The following OSBPL2 variants were observed in gnomAD, a reference collection of about 807,000 sequenced individuals.
The protein encoded by OSBPL2 is oxysterol binding protein like 2.
In OSBPL2, 18 loss-of-function variants were observed where a neutral mutation model predicts 58.4. That is an observed-to-expected ratio of 0.31 (90% CI 0.21 to 0.46). OSBPL2 has a LOEUF of 0.46. Ranked by LOEUF, OSBPL2 falls within the 20% of genes least tolerant of loss-of-function variation. OSBPL2 has a pLI of 1.00. For missense variants in OSBPL2, 461 were observed against 616.5 expected (o/e 0.75, Z 2.67); for synonymous variants, 221 against 234.1 (o/e 0.94, Z 0.51).
chr20:62,242,695 G>A (rs1299486290), intron 1 of OSBPL2: 1 of 152,364 alleles, frequency 6.6e-6, no homozygotes, highest in East Asian at 1.9e-4. Context: ...TGAGGGCCTG[G>A]GGGCTGTGGC....
chr20:62,293,186 TA>T (rs61708520), intron 13 of OSBPL2, among the ~76,000 whole-genome samples: 2 of 151,464 alleles, frequency 1.3e-5, no homozygotes, highest in East Asian at 2.0e-4. Context: ...TTTAAAGTGT[TA>T]AAAAAAATAT....
At chr20:62,250,798 G>C (rs916647274) in intron 1 of OSBPL2, among the ~76,000 whole-genome samples, 1 of 152,040 alleles carries the variant, frequency 6.6e-6, no homozygotes, top group Non-Finnish European at 1.5e-5. Flanking sequence ...GATGGTGTAC[G>C]CCTGTGGTCC....
rs201257981 is a variant in OSBPL2 at position 62,273,289 on chromosome 20, C to T, written c.394-20C>T. On this transcript the variant is annotated intron_variant, in intron 5 of 13. Transcript: ENST00000313733. ...TTCCTAACTGAAGCTGTGCCTGTCC[C>T]CCCCGTGGATTATTTACAGTCTGTG... 1.3e-6 allele frequency: 2 copies of T among 1,598,314 alleles called. No individual in the cohort carries two copies. The highest frequency in any genetic ancestry group is 1.7e-4 in the Middle Eastern group (1 of 6,016).
In OSBPL2 at chr20:62,251,865, C is replaced by CTTTTTTTTTTTT. The variant is rs147891445; in HGVS notation, c.-128-4172_-128-4161dup. On this transcript the variant is annotated intron_variant, in intron 1 of 13. Transcript: ENST00000313733. ...TCAAGCGTCATTTTAATTGGTATGC[C>CTTTTTTTTTTTT]TTTTTTTTTTTTTTTTTTTTTTTTT... Among the ~76,000 whole-genome samples, 2 of 41,738 alleles carry CTTTTTTTTTTTT rather than the reference C, an allele frequency of 4.8e-5. 1 individual carries two copies. Among genetic ancestry groups the CTTTTTTTTTTTT allele is most frequent in the Non-Finnish European group, 7.9e-5 (2 of 25,256 alleles). 27.4% of individuals were successfully genotyped at this position (41,738 alleles called of 152,430 possible). A position where few individuals can be genotyped will look rare whatever the true frequency, so the allele number is the denominator to read the frequency against.
intron 7 of OSBPL2, chr20:62,279,559 C>T (rs937559378): frequency 3.3e-5 from 19 of 569,046 alleles, no homozygotes; most frequent in Admixed American, 3.2e-5. Flanking sequence ...GCCCCCCTTT[C>T]GGTCACATCA....
At chr20:62,290,469 G>A (rs1264380350) in intron 12 of OSBPL2, among the ~76,000 whole-genome samples, 1 of 144,650 alleles carries the variant, frequency 6.9e-6, no homozygotes, top group Non-Finnish European at 1.5e-5. Context: ...CAGGCTGGAG[G>A]GCAGTGGTGC....
At chr20:62,291,656 C>T (rs748277472) in intron 12 of OSBPL2, 47 bp from the exon 13 acceptor site, 6 of 1,520,374 alleles carry the variant, frequency 3.9e-6, no homozygotes, top group South Asian at 1.1e-5. Context: ...TGGCGGGGTG[C>T]GGTTCTAAGG....
Position 62,288,498 on chromosome 20 carries a change from C to T in OSBPL2, c.1126-709C>T, listed in dbSNP as rs1434253518. ...GGCTGTGGGTGCAGAGGCTGGGAGG[C>T]TGTGGGTGCAGAGGCCGGAGGCTGT... On this transcript the variant is annotated intron_variant, in intron 11 of 13. Coordinates refer to ENST00000313733, the MANE Select transcript of OSBPL2 (RefSeq NM_144498.4). This position sits in a 1 kb window ranked among gnomAD's most constrained non-coding sequence, Gnocchi z 4.8. Among the ~76,000 whole-genome samples the T allele has an allele frequency of 7.5e-6, 1 of 134,210 alleles. No individual in the cohort carries two copies. The highest frequency in any genetic ancestry group is 2.9e-5 in the African/African-American group (1 of 34,708). 88.0% of individuals were successfully genotyped at this position (134,210 alleles called of 152,430 possible). A position where few individuals can be genotyped will look rare whatever the true frequency, so the allele number is the denominator to read the frequency against.
intron 4 of OSBPL2, chr20:62,271,772 T>G: frequency 4.3e-6 from 1 of 234,142 alleles, no homozygotes; most frequent in Non-Finnish European, 8.4e-6. Flanking sequence ...ACTCTGGAAG[T>G]GGGGTGGAGA....
chr20:62,259,834 G>T, intron 2 of OSBPL2, 147 bp from the exon 3 acceptor site: 1 of 740,338 alleles, frequency 1.4e-6, no homozygotes. Context: ...GTCTGCTTCT[G>T]GAGAACCAGA....
At chr20:62,287,943 C>T (rs1017394493) in intron 11 of OSBPL2, among the ~76,000 whole-genome samples, 3 of 152,188 alleles carry the variant, frequency 2.0e-5, no homozygotes, top group East Asian at 1.9e-4. Context: ...AGGAGGGAGG[C>T]GGGGCAGGTG....
rs185647096 is a variant in OSBPL2 at position 62,254,672 on chromosome 20, C to T, written c.-128-1385C>T. 4.9e-4 allele frequency among the ~76,000 whole-genome samples: 75 copies of T among 152,372 alleles called. 1 individual carries two copies. The East Asian group carries it at 0.014, about 29-fold the overall frequency. ...GCACTGGGGGCCGTTCTCGCCCCGG[C>T]GCCCTCACCCTCAGAACTGTGCAGA... On this transcript the variant is annotated intron_variant, in intron 1 of 13. Transcript: ENST00000313733.
intron 1 of OSBPL2, among the ~76,000 whole-genome samples, chr20:62,253,872 A>G (rs1358559612): frequency 6.6e-6 from 1 of 151,874 alleles, no homozygotes; most frequent in Admixed American, 6.6e-5. Context: ...GCTCACTGCA[A>G]CCTCTGCCTC....
At chr20:62,285,252 G>A (rs1214740715) in intron 10 of OSBPL2, 2 of 152,234 alleles carry the variant, frequency 1.3e-5, no homozygotes, top group East Asian at 3.8e-4. Flanking sequence ...AGACCTAGAA[G>A]GGTAAATCCA....
intron 5 of OSBPL2, among the ~76,000 whole-genome samples, chr20:62,272,938 AACGTGTGC>A (rs1342837450): frequency 6.6e-6 from 1 of 152,216 alleles, no homozygotes; most frequent in Non-Finnish European, 1.5e-5. Flanking sequence ...GGGTGCACAT[AACGTGTGC>A]ACGTGTGTGC....
At chr20:62,258,685 G>A (rs1365923756) in intron 2 of OSBPL2, among the ~76,000 whole-genome samples, 1 of 152,106 alleles carries the variant, frequency 6.6e-6, no homozygotes, top group Non-Finnish European at 1.5e-5. Context: ...ATGTTATTAG[G>A]CCATCCATGT....
chr20:62,260,929 A>G (rs2145933935), intron 3 of OSBPL2, among the ~76,000 whole-genome samples: 2 of 152,248 alleles, frequency 1.3e-5, no homozygotes, highest in African/African-American at 4.8e-5. Flanking sequence ...GTTCGAGGCT[A>G]TGGTGAGCTA....
At chr20:62,238,792 G>A (rs892230740) in intron 1 of OSBPL2, among the ~76,000 whole-genome samples, 195 bp downstream of exon 1, 65 of 151,764 alleles carry the variant, frequency 4.3e-4, no homozygotes, top group African/African-American at 1.5e-3. Flanking sequence ...GGCCTAGGCC[G>A]CAGCCTGGCG....
intron 12 of OSBPL2, 140 bp from the exon 13 acceptor site, chr20:62,291,563 G>T: frequency 1.3e-6 from 1 of 760,304 alleles, no homozygotes; most frequent in Non-Finnish European, 2.3e-6. Context: ...GATTGTGTTT[G>T]GTCTCCCGAT....
Sources: gnomAD v4.1 joint callset for allele counts (sites outside exome capture counted in the v4.1 genomes callset) on GRCh38, gnomAD v4.1.1 for gene constraint, Gnocchi (gnomAD v3.1) non-coding constraint, MANE v1.5 for transcripts, NCBI Gene and HGNC (gene_info 2026-07-23, HGNC 2026-07-21) for gene names.